NXPE2: variants seen among roughly 807,000 people sequenced by gnomAD.
NXPE2 encodes NXPE family member 2.
Under a neutral mutation model 34.4 loss-of-function variants are expected in NXPE2, and 34 were observed. The ratio of observed to expected loss-of-function variants is 0.99; its 90% CI spans 0.75 to 1.31. The LOEUF (loss-of-function observed/expected upper bound fraction) is 1.31, where lower values mean the gene tolerates loss of function less well. Among genes scored for constraint, NXPE2 ranks in the 40% most tolerant of loss-of-function variants. The pLI is 0.00. For missense variants in NXPE2, 649 were observed against 672.5 expected (o/e 0.97, Z 0.39); for synonymous variants, 235 against 231.3 (o/e 1.02, Z -0.15).
the NXPE2 span, chr11:114,528,045 G>C: frequency 3.4e-6 from 2 of 581,184 alleles, no homozygotes; most frequent in Non-Finnish European, 5.9e-6. Context: ...GATATATTGG[G>C]TATTGTAAAT....
At chr11:114,605,175 G>C in the NXPE2 span, among the ~76,000 whole-genome samples, 1 of 151,600 alleles carries the variant, frequency 6.6e-6, no homozygotes. Flanking sequence ...GTGTTGCCTT[G>C]TGAGAAACCA....
At chr11:114,810,072 C>G in the NXPE2 span, among the ~76,000 whole-genome samples, 15 of 149,854 alleles carry the variant, frequency 1.0e-4, no homozygotes, top group Admixed American at 1.3e-4. Flanking sequence ...ACAAACCTGA[C>G]AAAAACAAGC....
chr11:114,615,632 T>C, the NXPE2 span, among the ~76,000 whole-genome samples: 3 of 150,984 alleles, frequency 2.0e-5, no homozygotes, highest in African/African-American at 7.4e-5. Context: ...TGGTGGATAA[T>C]AAGTGTTGCC....
the NXPE2 span, among the ~76,000 whole-genome samples, chr11:114,637,478 T>A: frequency 1.3e-5 from 2 of 151,648 alleles, no homozygotes; most frequent in Admixed American, 1.3e-4. Context: ...AAGTTAATAT[T>A]GTTATGTGTG....
chr11:114,465,604 A>G, the NXPE2 span, among the ~76,000 whole-genome samples: 1 of 152,136 alleles, frequency 6.6e-6, no homozygotes, highest in Admixed American at 6.6e-5. Flanking sequence ...CTTCACACTA[A>G]AAATGTGTTT....
chr11:114,769,326 G>A, the NXPE2 span, among the ~76,000 whole-genome samples: 1 of 152,202 alleles, frequency 6.6e-6, no homozygotes, highest in South Asian at 2.1e-4. Context: ...TGCTGGAGAG[G>A]ATGTGGAGAA....
At chr11:114,756,272 C>T in the NXPE2 span, among the ~76,000 whole-genome samples, 4 of 152,174 alleles carry the variant, frequency 2.6e-5, no homozygotes, top group African/African-American at 9.7e-5. Context: ...ATTGTATAAG[C>T]CAGGCCTGGG....
chr11:114,636,365 T>G, the NXPE2 span, among the ~76,000 whole-genome samples: 2 of 152,080 alleles, frequency 1.3e-5, no homozygotes, highest in South Asian at 2.1e-4. Context: ...TTTTTCTTTA[T>G]TAGTCTGCTA....
At chr11:114,600,498 TATAACTTCAATGTAATTATGA>T in the NXPE2 span, among the ~76,000 whole-genome samples, 1 of 152,142 alleles carries the variant, frequency 6.6e-6, no homozygotes, top group African/African-American at 2.4e-5. Context: ...GAAAGCAATG[TATAACTTCAATGTAATTATGA>T]GAAAATTTTG....
At chr11:114,602,930 A>C in the NXPE2 span, among the ~76,000 whole-genome samples, 1 of 149,456 alleles carries the variant, frequency 6.7e-6, no homozygotes, top group Non-Finnish European at 1.5e-5. Flanking sequence ...AATCTAATAT[A>C]TAATTACAGA....
chr11:114,724,976 T>G, the NXPE2 span, among the ~76,000 whole-genome samples: 1 of 151,376 alleles, frequency 6.6e-6, no homozygotes, highest in Admixed American at 6.6e-5. Flanking sequence ...AGTCTGGAAT[T>G]TTTTGAGACT....
chr11:114,534,409 C>G, the NXPE2 span, among the ~76,000 whole-genome samples: 2 of 152,190 alleles, frequency 1.3e-5, no homozygotes, highest in African/African-American at 4.8e-5. Context: ...CAGCTCCTCA[C>G]CAGCAACAGA....
the NXPE2 span, among the ~76,000 whole-genome samples, chr11:114,615,360 A>T: frequency 6.6e-6 from 1 of 151,958 alleles, no homozygotes; most frequent in Non-Finnish European, 1.5e-5. Context: ...CCTCGTGGAT[A>T]ACCACTGTTA....
the NXPE2 span, among the ~76,000 whole-genome samples, chr11:114,644,770 T>C: frequency 2.0e-5 from 3 of 151,618 alleles, no homozygotes; most frequent in Non-Finnish European, 2.9e-5. Context: ...CAAAAATACA[T>C]ATCTAAATCT....
the NXPE2 span, among the ~76,000 whole-genome samples, chr11:114,484,654 T>A: frequency 3.9e-5 from 6 of 152,224 alleles, no homozygotes; most frequent in Non-Finnish European, 8.8e-5. Flanking sequence ...CTTTTCTGTT[T>A]CTGCGGGCTA....
At chr11:114,764,007 A>G in the NXPE2 span, among the ~76,000 whole-genome samples, 2 of 152,076 alleles carry the variant, frequency 1.3e-5, no homozygotes, top group Non-Finnish European at 2.9e-5. Flanking sequence ...ACCATGTCAT[A>G]TTTACCAGTA....
chr11:114,775,932 T>C, the NXPE2 span, among the ~76,000 whole-genome samples: 2 of 150,794 alleles, frequency 1.3e-5, no homozygotes, highest in Non-Finnish European at 2.9e-5. Flanking sequence ...AATCTGTTCC[T>C]GTGGGAACTA....
chr11:114,675,850 T>C (rs990800254), upstream of NXPE2, among the ~76,000 whole-genome samples: 1 of 151,886 alleles, frequency 6.6e-6, no homozygotes, highest in African/African-American at 2.4e-5. Context: ...TTTCAAAATC[T>C]ACTGCAAGCT....
chr11:114,629,306 A>T, the NXPE2 span, among the ~76,000 whole-genome samples: 3 of 152,220 alleles, frequency 2.0e-5, no homozygotes, highest in African/African-American at 7.2e-5. Flanking sequence ...GCAGCACATC[A>T]AAAAGCTTAT....
Sources: allele counts gnomAD v4.1 joint callset (sites outside exome capture counted in the v4.1 genomes callset), GRCh38; gene constraint gnomAD v4.1.1; transcripts MANE v1.5; gene names NCBI Gene and HGNC (gene_info 2026-07-23, HGNC 2026-07-21).